Variants in GPATCH2 observed in about 807,000 individuals in gnomAD.
GPATCH2 encodes the protein G-patch domain containing 2.
Under a neutral mutation model 58.0 loss-of-function variants are expected in GPATCH2, and 51 were observed. The ratio of observed to expected loss-of-function variants is 0.88; its 90% CI spans 0.70 to 1.11. The LOEUF (loss-of-function observed/expected upper bound fraction) is 1.11, where lower values mean the gene tolerates loss of function less well. GPATCH2 is among the 50% of genes most tolerant of loss of function. The pLI, the probability that GPATCH2 is intolerant of heterozygous loss-of-function variation, is 0.00. For missense variants in GPATCH2, 625 were observed against 652.2 expected, an observed-to-expected ratio of 0.96 and a Z score of 0.45; for synonymous variants, 222 against 218.5, an observed-to-expected ratio of 1.02 and a Z score of -0.14.
At chr1:217,573,273 G>A (rs1346180526) in intron 5 of GPATCH2, among the ~76,000 whole-genome samples, 1 of 152,048 alleles carries the variant, frequency 6.6e-6, no homozygotes, top group Non-Finnish European at 1.5e-5. Flanking sequence ...ACCAATGTAA[G>A]ACATTTGAAG....
intron 5 of GPATCH2, among the ~76,000 whole-genome samples, chr1:217,606,625 C>G (rs1033055573): frequency 6.6e-5 from 10 of 152,056 alleles, no homozygotes; most frequent in Admixed American, 5.9e-4. Context: ...CCTGTAGACC[C>G]TGCTACTCAG....
Position 217,610,993 on chromosome 1 carries a change from C to A in GPATCH2, c.914G>T (p.Trp305Leu). ...ACGITGVVPW[W>L]EKEDPTELDK... ...TAGCTCAGTAGGATCTTCCTTTTCC[C>A]ACCAGGGCACAACTCCAGTGATACC... Residue 305 changes from tryptophan to leucine, a missense_variant, in exon 4 of 10, where the codon TGG becomes TTG. Trp to Leu is a moderately conservative substitution (Grantham distance 61, BLOSUM62 -2). Transcript: ENST00000366935. The A allele has an allele frequency of 6.2e-7, 1 of 1,613,312 alleles. No homozygotes were observed. Among genetic ancestry groups the A allele is most frequent in the Non-Finnish European group, 8.5e-7 (1 of 1,179,522 alleles).
intron 5 of GPATCH2, among the ~76,000 whole-genome samples, chr1:217,604,072 C>T (rs894044529): frequency 2.6e-5 from 4 of 151,654 alleles, no homozygotes; most frequent in Admixed American, 1.3e-4. Flanking sequence ...AGTTTCTGGC[C>T]GGGCACAGTG....
At chr1:217,447,424 C>A (rs183007668) in intron 9 of GPATCH2, among the ~76,000 whole-genome samples, 503 of 152,230 alleles carry the variant, frequency 3.3e-3, no homozygotes, top group Non-Finnish European at 5.7e-3. Context: ...AGGCTTGAAA[C>A]CTTCCCTTGC....
intron 6 of GPATCH2, among the ~76,000 whole-genome samples, chr1:217,504,069 A>C (rs1272178614): frequency 6.6e-6 from 1 of 152,166 alleles, no homozygotes; most frequent in African/African-American, 2.4e-5. Flanking sequence ...TGTTGCCACC[A>C]ATTAGGATAG....
At chr1:217,491,845 C>T in intron 7 of GPATCH2, 95 bp from the exon 8 acceptor site, 1 of 435,016 alleles carries the variant, frequency 2.3e-6, no homozygotes, top group Non-Finnish European at 4.2e-6. Flanking sequence ...AGGGACACTA[C>T]TCATTTATTT....
At chr1:217,464,626 C>T (rs935270558) in intron 8 of GPATCH2, among the ~76,000 whole-genome samples, 11 of 151,972 alleles carry the variant, frequency 7.2e-5, no homozygotes, top group African/African-American at 1.5e-4. Context: ...GAAGTAGAAG[C>T]GAACTGGAGC....
intron 8 of GPATCH2, among the ~76,000 whole-genome samples, chr1:217,466,440 G>A (rs970200727): frequency 6.6e-6 from 1 of 152,040 alleles, no homozygotes; most frequent in African/African-American, 2.4e-5. Flanking sequence ...GCCCAGGCAG[G>A]TCTCAAACTC....
chr1:217,574,837 T>C (rs1326612153), intron 5 of GPATCH2, among the ~76,000 whole-genome samples: 1 of 152,184 alleles, frequency 6.6e-6, no homozygotes, highest in African/African-American at 2.4e-5. Context: ...AGCAAGCTTA[T>C]CTAGCAAACT....
chr1:217,464,028 G>T (rs899121846), intron 8 of GPATCH2, among the ~76,000 whole-genome samples: 22 of 151,970 alleles, frequency 1.4e-4, no homozygotes, highest in Non-Finnish European at 2.9e-4. Context: ...TCTAGTAACA[G>T]ACAATACCAT....
Position 217,428,923 on chromosome 1 carries a change from T to A in GPATCH2, c.*2222A>T, listed in dbSNP as rs1214270613. On this transcript the variant is annotated 3_prime_UTR_variant, in exon 10 of 10. Transcript: ENST00000366935. ...TACACTAGTCTGGTGTATATACTGC[T>A]CTTCTTCACTATGAGGGTTTTTACT... 1 of 152,158 alleles carries A rather than the reference T, an allele frequency of 6.6e-6. No homozygotes were observed. Among genetic ancestry groups the A allele is most frequent in the Non-Finnish European group, 1.5e-5 (1 of 68,040 alleles). The allele number at this position is 152,158 out of a possible 1,614,324, so 9.4% of individuals were successfully genotyped here.
At chr1:217,612,280 A>C (rs1215947337) in intron 3 of GPATCH2, among the ~76,000 whole-genome samples, 1 of 152,212 alleles carries the variant, frequency 6.6e-6, no homozygotes, top group Non-Finnish European at 1.5e-5. Context: ...CTTGATTATG[A>C]GAAGCCACCA....
At chr1:217,454,886 T>C (rs953415687) in intron 8 of GPATCH2, among the ~76,000 whole-genome samples, 1 of 152,028 alleles carries the variant, frequency 6.6e-6, no homozygotes, top group African/African-American at 2.4e-5. Flanking sequence ...CGCCCACCTC[T>C]GCCTCCCAAA....
chr1:217,494,142 T>C (rs2102538506), intron 7 of GPATCH2, among the ~76,000 whole-genome samples: 1 of 152,328 alleles, frequency 6.6e-6, no homozygotes, highest in South Asian at 2.1e-4. Context: ...TAGATTTATA[T>C]TATAATGTGT....
intron 8 of GPATCH2, among the ~76,000 whole-genome samples, chr1:217,470,178 C>G (rs1025024459): frequency 2.6e-5 from 4 of 152,132 alleles, no homozygotes; most frequent in Admixed American, 1.3e-4. Flanking sequence ...AACTGTGAAA[C>G]AAACACCTGT....
intron 5 of GPATCH2, among the ~76,000 whole-genome samples, chr1:217,597,929 T>C (rs1174837415): frequency 6.6e-6 from 1 of 152,218 alleles, no homozygotes; most frequent in Non-Finnish European, 1.5e-5. Context: ...CCAATCATGT[T>C]TTTAATGTGC....
intron 5 of GPATCH2, among the ~76,000 whole-genome samples, chr1:217,604,770 A>T (rs1484665142): frequency 6.6e-6 from 1 of 152,184 alleles, no homozygotes; most frequent in Non-Finnish European, 1.5e-5. Flanking sequence ...TCATGCCTGT[A>T]ATCCCAGCAC....
chr1:217,514,815 TACTC>T lies in GPATCH2; in HGVS notation c.1166+3_1166+6del, dbSNP rs1251323241. ...AATAAGGTTATATAAACACACTGAGTACTCACTCATGGTGATGAGAATCCGGGGA... is the reference window on the plus strand; with the variant it reads ...AATAAGGTTATATAAACACACTGAGTACTCATGGTGATGAGAATCCGGGGA... On this transcript the variant is annotated splice_donor_5th_base_variant and intron_variant, in intron 6 of 9. Coordinates refer to ENST00000366935, the MANE Select transcript of GPATCH2 (RefSeq NM_018040.5). 7.3e-7 allele frequency: 1 copy of T among 1,365,032 alleles called. No individual in the cohort carries two copies. The highest frequency in any genetic ancestry group is 1.0e-6 in the Non-Finnish European group (1 of 953,330). 84.6% of individuals were successfully genotyped at this position (1,365,032 alleles called of 1,614,324 possible).
chr1:217,460,527 T>G (rs1002682987), intron 8 of GPATCH2, among the ~76,000 whole-genome samples: 4 of 152,204 alleles, frequency 2.6e-5, no homozygotes, highest in African/African-American at 9.6e-5. Flanking sequence ...GGCCCCTAAG[T>G]GAGAGAACAC....
Sources: allele counts gnomAD v4.1 joint callset (sites outside exome capture counted in the v4.1 genomes callset), GRCh38; gene constraint gnomAD v4.1.1; transcripts MANE v1.5; gene names NCBI Gene and HGNC (gene_info 2026-07-23, HGNC 2026-07-21).